YAP1: variants seen among roughly 807,000 people sequenced by gnomAD.
YAP1 encodes Yes1 associated transcriptional regulator, also known as transcriptional coactivator YAP1.
A neutral mutation model predicts 56.9 loss-of-function variants in YAP1; 5 were observed. The observed-to-expected ratio is 0.09, with a 90% CI of 0.05 to 0.18. The LOEUF is 0.18. Among genes scored for constraint, YAP1 ranks in the 10% least tolerant of loss-of-function variants. The probability of loss-of-function intolerance (pLI) is 1.00; values close to 1 mark genes in which losing one functional copy is unlikely to be tolerated. For synonymous variants in YAP1, 265 were observed against 248.1 expected (o/e 1.07, Z -0.64); for missense variants, 539 against 651.8 (o/e 0.83, Z 1.88).
rs373102927 is a variant in YAP1 at position 102,139,818 on chromosome 11, G to A, written c.573-22638G>A. ...GGAATTTGATTTTAGATTGTAGATT[G>A]CTTTGTTGCCTACCTATGAAAACAT... On this transcript the variant is annotated intron_variant, in intron 2 of 8. Transcript: ENST00000282441. 4.3e-4 allele frequency among the ~76,000 whole-genome samples: 65 copies of A among 152,296 alleles called. 1 individual carries two copies. The South Asian group carries it at 0.013, about 31-fold the overall frequency.
intron 8 of YAP1, among the ~76,000 whole-genome samples, chr11:102,229,395 GTTCT>G (rs1237316395): frequency 6.6e-6 from 1 of 152,126 alleles, no homozygotes; most frequent in Admixed American, 6.5e-5. Flanking sequence ...TTGTGTACTT[GTTCT>G]TTCTCCCGCT....
chr11:102,192,617 C>T (rs1040125112), intron 4 of YAP1, among the ~76,000 whole-genome samples: 4 of 152,210 alleles, frequency 2.6e-5, no homozygotes, highest in African/African-American at 9.6e-5. Flanking sequence ...TCTCTTGACT[C>T]ATCTGTAAAA....
rs759000569 is a variant in YAP1, at chr11:102,229,934, G to GTTATAGAGCCCGA, written c.*5_*6insGATTATAGAGCCC. On this transcript the variant is annotated stop_gained and frameshift_variant, in exon 9 of 9. Transcript: ENST00000282441. LOFTEE classifies it high-confidence loss of function. ...TAGATAAAGAAAGCTTTCTTACATG[G>GTTATAGAGCCCGA]TTATAGAGCCCTCAGGCAGACTGAA... 1.2e-6 allele frequency: 2 copies of GTTATAGAGCCCGA among 1,613,486 alleles called. No individual in the cohort carries two copies. The highest frequency in any genetic ancestry group is 1.6e-4 in the Middle Eastern group (1 of 6,062).
At chr11:102,183,739 T>TGTGTGTGTGTGTGTGTGTG (rs1565241068) in intron 3 of YAP1, among the ~76,000 whole-genome samples, 8 of 150,758 alleles carry the variant, frequency 5.3e-5, no homozygotes, top group Non-Finnish European at 8.9e-5. Flanking sequence ...TGTGTGTGTG[T>TGTGTGTGTGTGTGTGTGTG]TTAAACCACA....
At chr11:102,168,278 G>A (rs1364511196) in intron 3 of YAP1, among the ~76,000 whole-genome samples, 1 of 152,136 alleles carries the variant, frequency 6.6e-6, no homozygotes, top group Non-Finnish European at 1.5e-5. Flanking sequence ...CCACAAGATT[G>A]CTGAATCTTC....
chr11:102,226,631 C>T (rs1420259309), intron 7 of YAP1, among the ~76,000 whole-genome samples: 1 of 152,154 alleles, frequency 6.6e-6, no homozygotes, highest in Non-Finnish European at 1.5e-5. Flanking sequence ...TGTTCTATTT[C>T]TCAGGGTAAT....
intron 2 of YAP1, among the ~76,000 whole-genome samples, chr11:102,115,358 C>G (rs756704161): frequency 6.6e-6 from 1 of 152,166 alleles, no homozygotes; most frequent in African/African-American, 2.4e-5. Context: ...TGACAGTCTA[C>G]TCCTAAGGCA....
At chr11:102,160,514 A>C (rs1462419779) in intron 2 of YAP1, among the ~76,000 whole-genome samples, 1 of 152,212 alleles carries the variant, frequency 6.6e-6, no homozygotes, top group Non-Finnish European at 1.5e-5. Flanking sequence ...ATTCGTCTTA[A>C]TAGATGATTT....
At chr11:102,130,720 CTTTTTTT>C (rs61175592) in intron 2 of YAP1, among the ~76,000 whole-genome samples, 5 of 98,110 alleles carry the variant, frequency 5.1e-5, no homozygotes, top group South Asian at 8.7e-4. Flanking sequence ...GATAACTACT[CTTTTTTT>C]TTTTTTTTTT....
At chr11:102,138,243 G>GA (rs1944798597) in intron 2 of YAP1, among the ~76,000 whole-genome samples, 1 of 152,186 alleles carries the variant, frequency 6.6e-6, no homozygotes, top group African/African-American at 2.4e-5. Context: ...ACTGACTATG[G>GA]AAAAAATTAG....
chr11:102,187,318 C>A (rs2135515085), intron 4 of YAP1, among the ~76,000 whole-genome samples: 1 of 152,074 alleles, frequency 6.6e-6, no homozygotes, highest in East Asian at 1.9e-4. Context: ...TGACAGATAA[C>A]CGGTTTGGCT....
chr11:102,133,042 C>T (rs918900644), intron 2 of YAP1, among the ~76,000 whole-genome samples: 12 of 152,022 alleles, frequency 7.9e-5, no homozygotes, highest in Non-Finnish European at 1.5e-4. Context: ...CCTGTAATCC[C>T]AGCTACTCTG....
At chr11:102,181,206 G>A (rs1375037126) in intron 3 of YAP1, among the ~76,000 whole-genome samples, 1 of 151,964 alleles carries the variant, frequency 6.6e-6, no homozygotes, top group African/African-American at 2.4e-5. Context: ...AGCACTTTGG[G>A]AGGTTGAGGT....
intron 6 of YAP1, among the ~76,000 whole-genome samples, chr11:102,217,631 A>T (rs2135670550): frequency 6.6e-6 from 1 of 152,306 alleles, no homozygotes; most frequent in African/African-American, 2.4e-5. Context: ...AAAGCAGATG[A>T]TTAGCTTCTG....
chr11:102,112,104 C>T (rs553498813), intron 1 of YAP1, among the ~76,000 whole-genome samples: 1 of 152,338 alleles, frequency 6.6e-6, no homozygotes, highest in African/African-American at 2.4e-5. Context: ...CTGAGTTGCG[C>T]TTTACAGTAC....
intron 2 of YAP1, among the ~76,000 whole-genome samples, chr11:102,117,124 T>C (rs1943335247): frequency 6.6e-6 from 1 of 152,188 alleles, no homozygotes; most frequent in Non-Finnish European, 1.5e-5. Context: ...ATTAATATCC[T>C]AACCATTAGT....
intron 2 of YAP1, among the ~76,000 whole-genome samples, chr11:102,123,259 TTTTTTG>T (rs1219519804): frequency 9.9e-5 from 15 of 152,190 alleles, no homozygotes; most frequent in African/African-American, 3.6e-4. Flanking sequence ...TTTGCCGTGA[TTTTTTG>T]TTTTTATTTC....
chr11:102,162,107 A>G (rs1946322285), intron 2 of YAP1, among the ~76,000 whole-genome samples: 1 of 152,172 alleles, frequency 6.6e-6, no homozygotes, highest in Non-Finnish European at 1.5e-5. Flanking sequence ...TTTCTTATGA[A>G]TCTTGGGTTT....
At chr11:102,133,998 T>G (rs1466217944) in intron 2 of YAP1, among the ~76,000 whole-genome samples, 1 of 152,166 alleles carries the variant, frequency 6.6e-6, no homozygotes, top group Non-Finnish European at 1.5e-5. Context: ...GGGAACTGAT[T>G]TCATCATGAG....
Sources: gnomAD v4.1 joint callset for allele counts (sites outside exome capture counted in the v4.1 genomes callset) on GRCh38, gnomAD v4.1.1 for gene constraint, MANE v1.5 for transcripts, NCBI Gene and HGNC (gene_info 2026-07-23, HGNC 2026-07-21) for gene names.